The following PKHD1 variants were observed in gnomAD, a reference collection of about 807,000 sequenced individuals.
PKHD1 encodes PKHD1 ciliary IPT domain containing fibrocystin/polyductin, also known as fibrocystin.
A neutral mutation model predicts 412.0 loss-of-function variants in PKHD1; 291 were observed. That is an observed-to-expected ratio of 0.71 (90% CI 0.64 to 0.78). PKHD1 has a LOEUF of 0.78. Among genes scored for constraint, PKHD1 ranks in the 30% least tolerant of loss-of-function variants. The pLI is 0.00. For missense variants in PKHD1, 4,825 were observed against 4,950.7 expected, an observed-to-expected ratio of 0.97 and a Z score of 0.76; for synonymous variants, 1,777 against 1,821.5, an observed-to-expected ratio of 0.98 and a Z score of 0.62.
intron 35 of PKHD1, among the ~76,000 whole-genome samples, chr6:51,971,292 C>G (rs1793633038): frequency 6.6e-6 from 1 of 152,132 alleles, no homozygotes; most frequent in South Asian, 2.1e-4. Context: ...CTATAAGGAC[C>G]TTCTTGAGAG....
At position 51,634,632 on chromosome 6, in the gene PKHD1, C is replaced by T. The variant is rs181970101; in HGVS notation, c.11507-1909G>A. Among the ~76,000 whole-genome samples, 25 of 152,246 alleles carry T rather than the reference C, an allele frequency of 1.6e-4. No individual in the cohort carries two copies. The East Asian group carries it at 4.4e-3, about 27-fold the overall frequency. ...ACAAATTAGGATGTGACACATGCCACTAGAATAATGCAAATCAATTGCTTT... is the reference window on the plus strand; with the variant it reads ...ACAAATTAGGATGTGACACATGCCATTAGAATAATGCAAATCAATTGCTTT... On this transcript the variant is annotated intron_variant, in intron 64 of 66. Transcript: ENST00000371117.
chr6:51,740,793 C>T (rs1784454870), intron 60 of PKHD1, among the ~76,000 whole-genome samples: 1 of 152,124 alleles, frequency 6.6e-6, no homozygotes, highest in African/African-American at 2.4e-5. Context: ...CTGTCAGCAC[C>T]CGGAAGGCAC....
chr6:51,734,501 C>T (rs1389950522), intron 60 of PKHD1, among the ~76,000 whole-genome samples: 1 of 152,038 alleles, frequency 6.6e-6, no homozygotes, highest in Non-Finnish European at 1.5e-5. Flanking sequence ...ACTAGAAATT[C>T]AAAGACATTT....
chr6:51,784,458 T>C (rs149724817), intron 53 of PKHD1, among the ~76,000 whole-genome samples: 1 of 152,318 alleles, frequency 6.6e-6, no homozygotes, highest in African/African-American at 2.4e-5. Context: ...TCACAGAGAT[T>C]TGCAACATCA....
In PKHD1 at chr6:51,748,471, G is replaced by T; in HGVS notation, c.9145C>A (p.His3049Asn). The T allele has an allele frequency of 6.2e-7, 1 of 1,613,856 alleles. No homozygotes were observed. The highest frequency in any genetic ancestry group is 1.1e-5 in the South Asian group (1 of 91,072). ...GCCTGACCCTCTAAATCTATGCCATGGCCAGCTGTGCCAAACACAATATTG... is the reference window on the plus strand; with the variant it reads ...GCCTGACCCTCTAAATCTATGCCATTGCCAGCTGTGCCAAACACAATATTG... ...NDNIVFGTAG[H>N]GIDLEGQAYT... The change falls in exon 58 of 67, where the codon CAT becomes AAT. Residue 3049 changes from histidine to asparagine, a missense_variant. By Grantham distance (68) the His-to-Asn change is moderately conservative. Transcript: ENST00000371117.
chr6:51,917,888 A>G (rs1784074495), intron 37 of PKHD1, among the ~76,000 whole-genome samples: 1 of 152,202 alleles, frequency 6.6e-6, no homozygotes, highest in Non-Finnish European at 1.5e-5. Context: ...GATGAAATCT[A>G]AGAAATGATA....
chr6:51,847,738 A>G (rs752199046), intron 50 of PKHD1, 37 bp downstream of exon 50: 1 of 1,393,386 alleles, frequency 7.2e-7, no homozygotes, highest in Admixed American at 1.7e-5. Context: ...ATTTCTGACT[A>G]TGTGCTCTCA....
intron 51 of PKHD1, among the ~76,000 whole-genome samples, chr6:51,832,302 G>C (rs1359804456): frequency 1.3e-5 from 2 of 152,050 alleles, no homozygotes; most frequent in Non-Finnish European, 2.9e-5. Context: ...AAGTTATTCA[G>C]GTAAAGGGGA....
At position 52,046,064 on chromosome 6, in the gene PKHD1, G is replaced by A. The variant is rs150202544; in HGVS notation, c.2532C>T (p.Tyr844=). 4.8e-5 allele frequency: 78 copies of A among 1,613,564 alleles called. No homozygotes were observed. The African/African-American group carries it at 4.9e-4, about 10-fold the overall frequency. Residue 844 remains tyrosine (Y), a synonymous_variant, in exon 24 of 67, where the codon TAC becomes TAT. Coordinates refer to ENST00000371117, the MANE Select transcript of PKHD1 (RefSeq NM_138694.4). ...FTVKEDLYTC[Y]EHVWTLSWST... is the part of the protein sequence containing the mutation. ...ACCAGGACAAGGTCCACACGTGTTCGTAGCAAGTGTATAGATCCTCCTTCA... is the reference window on the plus strand; with the variant it reads ...ACCAGGACAAGGTCCACACGTGTTCATAGCAAGTGTATAGATCCTCCTTCA...
At chr6:51,734,483 T>C (rs1204814834) in intron 60 of PKHD1, among the ~76,000 whole-genome samples, 2 of 152,194 alleles carry the variant, frequency 1.3e-5, no homozygotes, top group Non-Finnish European at 2.9e-5. Context: ...TTATGTTCCA[T>C]AAATTGTACT....
At chr6:51,695,541 A>G (rs1480372293) in intron 60 of PKHD1, among the ~76,000 whole-genome samples, 2 of 152,220 alleles carry the variant, frequency 1.3e-5, no homozygotes, top group Non-Finnish European at 2.9e-5. Context: ...GAATCAGGAC[A>G]TAATTTGTAT....
chr6:51,740,188 A>G (rs1316042507), intron 60 of PKHD1, among the ~76,000 whole-genome samples: 1 of 152,200 alleles, frequency 6.6e-6, no homozygotes, highest in African/African-American at 2.4e-5. Context: ...ACTTACAGAT[A>G]AGTATAAATC....
chr6:51,882,705 A>G (rs1174972789), intron 46 of PKHD1, among the ~76,000 whole-genome samples: 1 of 152,188 alleles, frequency 6.6e-6, no homozygotes, highest in South Asian at 2.1e-4. Flanking sequence ...GAAGTCATCT[A>G]GAGTCTGATT....
chr6:51,819,285 C>CA (rs989363826), intron 52 of PKHD1, among the ~76,000 whole-genome samples: 7 of 151,588 alleles, frequency 4.6e-5, no homozygotes, highest in Non-Finnish European at 1.0e-4. Context: ...AGACCAGAAA[C>CA]AAAAAAAAGT....
At chr6:51,806,512 ACTGTACATCAT>A (rs1763810483) in intron 52 of PKHD1, among the ~76,000 whole-genome samples, 1 of 152,146 alleles carries the variant, frequency 6.6e-6, no homozygotes. Context: ...GTTTAAGATA[ACTGTACATCAT>A]CCCAGTGCAG....
At chr6:52,066,200 A>G in intron 11 of PKHD1, 123 bp from the exon 12 acceptor site, 5 of 615,920 alleles carry the variant, frequency 8.1e-6, no homozygotes, top group South Asian at 6.1e-5. Context: ...GTCCAGCAAC[A>G]GTTGAATTTT....
chr6:51,769,566 C>T (rs1020789379), intron 55 of PKHD1, among the ~76,000 whole-genome samples: 1 of 151,386 alleles, frequency 6.6e-6, no homozygotes, highest in Non-Finnish European at 1.5e-5. Context: ...AAACCACTAC[C>T]TCTTTTTAAA....
At chr6:51,750,795 G>C (rs539657745) in intron 57 of PKHD1, among the ~76,000 whole-genome samples, 1 of 151,210 alleles carries the variant, frequency 6.6e-6, no homozygotes, top group African/African-American at 2.5e-5. Context: ...AATTTTTTTT[G>C]AGATGGAGTT....
rs1487184197 is a variant in PKHD1, at chr6:52,056,621, T to C, written c.1693+77A>G. On this transcript the variant is annotated intron_variant, in intron 18 of 66. Transcript: ENST00000371117. Reference sequence around the variant, plus strand: ...CTCTGTTATCACCTTGGAGAGGAAATGGGGATTGTTCTCATTTTATAGAAA... The same window carrying C: ...CTCTGTTATCACCTTGGAGAGGAAACGGGGATTGTTCTCATTTTATAGAAA... 4.6e-6 allele frequency: 5 copies of C among 1,090,744 alleles called. No individual in the cohort carries two copies. In the African/African-American group the frequency reaches 6.2e-5, roughly 14 times the overall value. 67.6% of individuals were successfully genotyped at this position (1,090,744 alleles called of 1,614,324 possible). A position where few individuals can be genotyped will look rare whatever the true frequency, so the allele number is the denominator to read the frequency against.
Sources: allele counts gnomAD v4.1 joint callset (sites outside exome capture counted in the v4.1 genomes callset), GRCh38; gene constraint gnomAD v4.1.1; transcripts MANE v1.5; gene names NCBI Gene and HGNC (gene_info 2026-07-23, HGNC 2026-07-21).